Variants in SGCZ observed in about 807,000 individuals in gnomAD.
SGCZ encodes the protein sarcoglycan zeta.
A neutral mutation model predicts 41.3 loss-of-function variants in SGCZ; 40 were observed. That is an observed-to-expected ratio of 0.97 (90% CI 0.75 to 1.26). The LOEUF (loss-of-function observed/expected upper bound fraction) is 1.26. SGCZ is among the 50% of genes most tolerant of loss of function. The probability of loss-of-function intolerance (pLI) is 0.00; values close to 1 mark genes in which losing one functional copy is unlikely to be tolerated. For synonymous variants in SGCZ, 206 were observed against 137.5 expected (o/e 1.50, Z -3.49); for missense variants, 552 against 369.8 (o/e 1.49, Z -4.04).
At chr8:15,147,338 G>A (rs975985530) in intron 1 of SGCZ, among the ~76,000 whole-genome samples, 15 of 152,256 alleles carry the variant, frequency 9.9e-5, no homozygotes, top group African/African-American at 3.4e-4. Context: ...GAGTGCAATG[G>A]CACCATTTTG....
At chr8:15,146,088 T>C (rs1399746231) in intron 1 of SGCZ, among the ~76,000 whole-genome samples, 1 of 151,640 alleles carries the variant, frequency 6.6e-6, no homozygotes, top group Admixed American at 6.6e-5. Context: ...AAAGAAGAAA[T>C]GATTCATAAA....
intron 1 of SGCZ, among the ~76,000 whole-genome samples, chr8:14,865,250 G>T (rs1230891757): frequency 6.6e-6 from 1 of 151,838 alleles, no homozygotes; most frequent in South Asian, 2.1e-4. Flanking sequence ...GGTCTCTTCT[G>T]CCCCTTACTC....
At chr8:14,525,834 A>C (rs1802931455) in intron 2 of SGCZ, among the ~76,000 whole-genome samples, 1 of 152,102 alleles carries the variant, frequency 6.6e-6, no homozygotes, top group African/African-American at 2.4e-5. Context: ...AACACAGTGC[A>C]CTGCAGAAAC....
chr8:14,514,787 G>A (rs1189534407), intron 2 of SGCZ, among the ~76,000 whole-genome samples: 2 of 4,470 alleles, frequency 4.5e-4, no homozygotes, highest in African/African-American at 1.9e-3. Context: ...ATGTAAATGT[G>A]TGTGTGTGTG....
chr8:14,783,297 G>A (rs1035151202), intron 1 of SGCZ, among the ~76,000 whole-genome samples: 1 of 152,116 alleles, frequency 6.6e-6, no homozygotes, highest in African/African-American at 2.4e-5. Flanking sequence ...AACTGGGCAT[G>A]GTGCTGAGTG....
At position 14,994,561 on chromosome 8, in the gene SGCZ, G is replaced by A. The variant is rs138546537; in HGVS notation, c.39+243024C>T. Among the ~76,000 whole-genome samples, 1,006 of 151,054 alleles carry A rather than the reference G, an allele frequency of 6.7e-3. 16 individuals are homozygous for A. Among genetic ancestry groups the A allele is most frequent in the South Asian group, 0.038 (182 of 4,786 alleles). ...ATTGTGCCACTGCACTCCAGCCTAG[G>A]CAACAAGAGCAAAACTGTGCATCCA... On this transcript the variant is annotated intron_variant, in intron 1 of 7. Transcript: ENST00000382080.
intron 3 of SGCZ, among the ~76,000 whole-genome samples, chr8:14,318,782 G>T (rs1175283208): frequency 6.6e-6 from 1 of 151,938 alleles, no homozygotes; most frequent in Non-Finnish European, 1.5e-5. Flanking sequence ...GAGCTAGACA[G>T]TAACTCATCA....
intron 1 of SGCZ, among the ~76,000 whole-genome samples, chr8:15,014,283 G>A (rs1802941345): frequency 6.6e-6 from 1 of 152,192 alleles, no homozygotes; most frequent in South Asian, 2.1e-4. Flanking sequence ...GGAGGCCAAG[G>A]GATGTGCTGG....
chr8:14,365,387 T>C (rs781572370), intron 2 of SGCZ, among the ~76,000 whole-genome samples: 1 of 152,120 alleles, frequency 6.6e-6, no homozygotes, highest in Non-Finnish European at 1.5e-5. Flanking sequence ...ATGCCTTCAG[T>C]CCCTCTAAAC....
At chr8:14,325,741 CACACACATATATATATATAT>C (rs1327147715) in intron 2 of SGCZ, among the ~76,000 whole-genome samples, 36 of 32,062 alleles carry the variant, frequency 1.1e-3, no homozygotes, top group South Asian at 8.0e-3. Flanking sequence ...CACACACACA[CACACACATATATATATATAT>C]ATATATATAT....
chr8:14,403,961 G>C (rs374356129), intron 2 of SGCZ, among the ~76,000 whole-genome samples: 2 of 152,196 alleles, frequency 1.3e-5, no homozygotes, highest in South Asian at 2.1e-4. Context: ...AGAGAAATGA[G>C]TATTTCAGCT....
intron 1 of SGCZ, among the ~76,000 whole-genome samples, chr8:15,235,241 C>A (rs1376976556): frequency 6.6e-6 from 1 of 152,208 alleles, no homozygotes. Context: ...TCCATCTCTA[C>A]AAACTGTATA....
chr8:15,137,306 C>T lies in SGCZ; in HGVS notation c.39+100279G>A, dbSNP rs1808146030. Among the ~76,000 whole-genome samples, 4 of 152,108 alleles carry T rather than the reference C, an allele frequency of 2.6e-5. No individual in the cohort carries two copies. In the South Asian group the frequency reaches 8.3e-4, roughly 32 times the overall value. ...GATTTAAGAGGAAGCAGAGCATAAACATTTGGAAAATTTGCAGCCTGACAA... is the reference window on the plus strand; with the variant it reads ...GATTTAAGAGGAAGCAGAGCATAAATATTTGGAAAATTTGCAGCCTGACAA... On this transcript the variant is annotated intron_variant, in intron 1 of 7. Transcript: ENST00000382080.
intron 1 of SGCZ, among the ~76,000 whole-genome samples, chr8:14,709,348 A>G (rs1809440615): frequency 6.6e-6 from 1 of 152,136 alleles, no homozygotes; most frequent in Non-Finnish European, 1.5e-5. Flanking sequence ...CCACCTCATT[A>G]CTTCAGCTTA....
At chr8:14,749,638 A>G (rs1434672991) in intron 1 of SGCZ, among the ~76,000 whole-genome samples, 1 of 152,194 alleles carries the variant, frequency 6.6e-6, no homozygotes, top group Non-Finnish European at 1.5e-5. Context: ...GTAATTTACT[A>G]GATTAATTAA....
chr8:14,968,649 G>C (rs959526213), intron 1 of SGCZ, among the ~76,000 whole-genome samples: 1 of 152,094 alleles, frequency 6.6e-6, no homozygotes, highest in South Asian at 2.1e-4. Context: ...AAAAGTTTAG[G>C]AAAGTGACAT....
intron 2 of SGCZ, among the ~76,000 whole-genome samples, chr8:14,512,001 T>G (rs1421078611): frequency 6.6e-6 from 1 of 152,116 alleles, no homozygotes; most frequent in Non-Finnish European, 1.5e-5. Flanking sequence ...GCTATAAAAT[T>G]AGGGTTTTAA....
rs551590851 is a variant in SGCZ, at chr8:14,796,031, T to C, written c.40-241105A>G. ...TGTTCTTTTTATGGCTGCACAGTATTCCATGGTGTGTATGTACCACATTTT... is the reference window on the plus strand; with the variant it reads ...TGTTCTTTTTATGGCTGCACAGTATCCCATGGTGTGTATGTACCACATTTT... On this transcript the variant is annotated intron_variant, in intron 1 of 7. Transcript: ENST00000382080. Among the ~76,000 whole-genome samples the C allele has an allele frequency of 3.9e-5, 6 of 152,230 alleles. No individual in the cohort carries two copies. The East Asian group carries it at 1.2e-3, about 29-fold the overall frequency.
At chr8:14,093,776 G>T (rs1278821241) in intron 7 of SGCZ, among the ~76,000 whole-genome samples, 2 of 151,966 alleles carry the variant, frequency 1.3e-5, no homozygotes, top group African/African-American at 2.4e-5. Flanking sequence ...ATTCTCCAAA[G>T]GTCACCTCCT....
Sources: gnomAD v4.1 joint callset for allele counts (sites outside exome capture counted in the v4.1 genomes callset) on GRCh38, gnomAD v4.1.1 for gene constraint, MANE v1.5 for transcripts, NCBI Gene and HGNC (gene_info 2026-07-23, HGNC 2026-07-21) for gene names.